FOXP1: variants seen among roughly 807,000 people sequenced by gnomAD.
The protein encoded by FOXP1 is forkhead box P1, also known as forkhead box protein P1.
FOXP1 carries 15 observed loss-of-function variants against 98.2 expected under a neutral mutation model. That is an observed-to-expected ratio of 0.15 (90% confidence interval 0.10 to 0.24). The LOEUF (loss-of-function observed/expected upper bound fraction) is 0.24. Ranked by LOEUF, FOXP1 falls within the 10% of genes least tolerant of loss-of-function variation. The pLI, the probability that FOXP1 is intolerant of heterozygous loss-of-function variation, is 1.00. For synonymous variants in FOXP1, 371 were observed against 314.5 expected, an observed-to-expected ratio of 1.18 and a Z score of -1.90; for missense variants, 633 against 848.5, an observed-to-expected ratio of 0.75 and a Z score of 3.15.
intron 3 of FOXP1, among the ~76,000 whole-genome samples, chr3:71,461,898 C>T (rs2088164048): frequency 6.6e-6 from 1 of 151,950 alleles, no homozygotes; most frequent in East Asian, 1.9e-4. Context: ...AGAAGATTGG[C>T]AGGGCTTGGC....
chr3:71,534,380 A>T (rs1363563956), intron 2 of FOXP1, among the ~76,000 whole-genome samples: 5 of 152,174 alleles, frequency 3.3e-5, no homozygotes, highest in South Asian at 4.1e-4. Context: ...AACAACAACA[A>T]AAAACCCTAA....
At chr3:71,454,101 C>G (rs1444787591) in intron 3 of FOXP1, among the ~76,000 whole-genome samples, 1 of 152,174 alleles carries the variant, frequency 6.6e-6, no homozygotes, top group African/African-American at 2.4e-5. Context: ...CCTCTGCACC[C>G]CTTTGTAAGA....
In FOXP1 at chr3:70,958,452, G is replaced by A. The variant is rs2032387341; in HGVS notation, c.*795C>T. On this transcript the variant is annotated 3_prime_UTR_variant, in exon 21 of 21. Transcript: ENST00000649528. ...TTTTCTGACTTTAGAGAAACGTGGT[G>A]ATGTCTGAAGGAAGATGGAATGAGT... The A allele has an allele frequency of 2.4e-6, 1 of 409,234 alleles. No individual in the cohort carries two copies. The highest frequency in any genetic ancestry group is 4.7e-6 in the Non-Finnish European group (1 of 211,886). The allele number at this position is 409,234 out of a possible 1,614,324, so 25.4% of individuals were successfully genotyped here.
chr3:71,386,018 C>T (rs1434475070), intron 3 of FOXP1, among the ~76,000 whole-genome samples: 1 of 152,216 alleles, frequency 6.6e-6, no homozygotes, highest in African/African-American at 2.4e-5. Flanking sequence ...CCTCTCTCCT[C>T]TTCCATTAGC....
At chr3:71,386,715 C>T (rs2080609003) in intron 3 of FOXP1, among the ~76,000 whole-genome samples, 2 of 139,642 alleles carry the variant, frequency 1.4e-5, no homozygotes. Context: ...TGCACTCTAG[C>T]CTGTTGACAA....
intron 5 of FOXP1, among the ~76,000 whole-genome samples, chr3:71,261,829 C>G (rs1469014384): frequency 2.0e-5 from 3 of 152,108 alleles, no homozygotes; most frequent in African/African-American, 7.2e-5. Flanking sequence ...AATCCAACTT[C>G]ATAGCCTATG....
At position 71,557,657 on chromosome 3, in the gene FOXP1, C is replaced by T. The variant is rs73837401; in HGVS notation, c.-298+23892G>A. 6.1e-3 allele frequency among the ~76,000 whole-genome samples: 924 copies of T among 152,284 alleles called. 10 individuals are homozygous for T. The highest frequency in any genetic ancestry group is 0.021 in the African/African-American group (893 of 41,552). ...GGTAATAGAAAGACTGCCAGTCCTG[C>T]CTCCGACTTTCTGCTCTTCAAGTAC... On this transcript the variant is annotated intron_variant, in intron 2 of 20. Transcript: ENST00000649528.
At chr3:71,236,579 A>G (rs958738242) in intron 5 of FOXP1, among the ~76,000 whole-genome samples, 21 of 152,346 alleles carry the variant, frequency 1.4e-4, no homozygotes, top group African/African-American at 4.6e-4. Context: ...CGTATAAACA[A>G]GCAAAAATGG....
At chr3:71,446,041 GTGAGTGAGTGA>G (rs2086390690) in intron 3 of FOXP1, among the ~76,000 whole-genome samples, 2 of 8,148 alleles carry the variant, frequency 2.5e-4, no homozygotes, top group Non-Finnish European at 9.8e-4. Flanking sequence ...TCATAGGTGA[GTGAGTGAGTGA>G]GTGAGTGAGT....
intron 4 of FOXP1, among the ~76,000 whole-genome samples, chr3:71,331,424 G>A (rs961115836): frequency 7.2e-4 from 101 of 139,874 alleles, no homozygotes; most frequent in African/African-American, 2.4e-3. Flanking sequence ...CCCGACAAGC[G>A]CCGCTCCCTG....
intron 6 of FOXP1, among the ~76,000 whole-genome samples, chr3:71,179,440 A>T (rs1385907306): frequency 6.6e-6 from 1 of 152,138 alleles, no homozygotes; most frequent in Non-Finnish European, 1.5e-5. Context: ...GTGCCTAAAT[A>T]TGGAATTACC....
chr3:71,519,112 G>A (rs1348803616), intron 2 of FOXP1, among the ~76,000 whole-genome samples: 2 of 152,148 alleles, frequency 1.3e-5, no homozygotes, highest in African/African-American at 4.8e-5. Context: ...CAGATGTGGT[G>A]GCACATGCCT....
intron 2 of FOXP1, chr3:71,541,927 G>C (rs779777087): frequency 3.8e-6 from 2 of 519,554 alleles, no homozygotes; most frequent in African/African-American, 3.9e-5. Context: ...TTTGACTCTG[G>C]TCAAACTACT....
chr3:71,430,336 G>A (rs891971515), intron 3 of FOXP1, among the ~76,000 whole-genome samples: 1 of 152,198 alleles, frequency 6.6e-6, no homozygotes, highest in Non-Finnish European at 1.5e-5. Context: ...AGTATTGCAA[G>A]CCGAATGAAT....
At chr3:71,160,323 T>C (rs149179471) in intron 6 of FOXP1, among the ~76,000 whole-genome samples, 53 of 152,326 alleles carry the variant, frequency 3.5e-4, no homozygotes, top group African/African-American at 9.1e-4. Flanking sequence ...GGTCTCAGCA[T>C]TGGCTCTAGG....
intron 5 of FOXP1, among the ~76,000 whole-genome samples, chr3:71,298,510 C>G (rs2073557761): frequency 6.6e-6 from 1 of 151,922 alleles, no homozygotes; most frequent in South Asian, 2.1e-4. Context: ...GAAAATTGAG[C>G]CTCAGCAAAG....
In FOXP1 at chr3:70,972,610, C is replaced by T. The variant is rs2107198540; in HGVS notation, c.1597G>A (p.Val533Ile). ...FVRVENVKGA[V>I]WTVDEVEFQK... The stretch of plus-strand genomic sequence containing the variant: ...AATTCTACTTCATCCACTGTCCATA[C>T]TGCCCCTTTAACGTTTTCTACTCGC... The change falls in exon 18 of 21, where the codon GTA (valine) becomes ATA (isoleucine). Residue 533 changes from valine (V) to isoleucine (I), a missense_variant. Val to Ile is a conservative substitution (Grantham distance 29). Around this residue, in one of 6 missense-constraint regions of FOXP1, gnomAD observed 6 missense variants for 36.3 expected, o/e 0.17. Coordinates refer to ENST00000649528, the MANE Select transcript of FOXP1 (RefSeq NM_001349338.3). The T allele has an allele frequency of 6.2e-7, 1 of 1,614,158 alleles. No individual in the cohort carries two copies. The highest frequency in any genetic ancestry group is 8.5e-7 in the Non-Finnish European group (1 of 1,179,970).
At chr3:71,419,373 C>A (rs1337040771) in intron 3 of FOXP1, among the ~76,000 whole-genome samples, 1 of 149,444 alleles carries the variant, frequency 6.7e-6, no homozygotes, top group Non-Finnish European at 1.5e-5. Flanking sequence ...GTTAGTGACA[C>A]ATAAGGGGAA....
At chr3:71,358,638 G>C (rs2078335923) in intron 4 of FOXP1, among the ~76,000 whole-genome samples, 1 of 152,202 alleles carries the variant, frequency 6.6e-6, no homozygotes. Flanking sequence ...GTCAGACGGA[G>C]TGGTACCCAG....
Sources: gnomAD v4.1 joint callset for allele counts (sites outside exome capture counted in the v4.1 genomes callset) on GRCh38, gnomAD v4.1.1 for gene constraint, gnomAD v4.1.1 regional missense constraint, MANE v1.5 for transcripts, NCBI Gene and HGNC (gene_info 2026-07-23, HGNC 2026-07-21) for gene names.